The following IYD variants were observed in gnomAD, a reference collection of about 807,000 sequenced individuals.
IYD encodes iodotyrosine deiodinase.
A neutral mutation model predicts 28.4 loss-of-function variants in IYD; 25 were observed. That is an observed-to-expected ratio of 0.88 (90% CI 0.64 to 1.23). The LOEUF (loss-of-function observed/expected upper bound fraction) is 1.23. IYD is among the 50% of genes most tolerant of loss of function. The pLI is 0.00. For missense variants in IYD, 352 were observed against 357.9 expected (o/e 0.98, Z 0.13); for synonymous variants, 140 against 130.8 (o/e 1.07, Z -0.48).
At chr6:150,397,098 C>G (rs1056667530) in intron 4 of IYD, among the ~76,000 whole-genome samples, 1 of 151,956 alleles carries the variant, frequency 6.6e-6, no homozygotes, top group African/African-American at 2.4e-5. Flanking sequence ...AGACCTTCAG[C>G]AAGAAACTAT....
In IYD at chr6:150,404,746, T is replaced by C. The variant is rs1223440160; in HGVS notation, c.*6509T>C. 6.6e-6 allele frequency: 1 copy of C among 152,212 alleles called. No homozygotes were observed. Among genetic ancestry groups the C allele is most frequent in the East Asian group, 1.9e-4 (1 of 5,196 alleles). 9.4% of individuals were successfully genotyped at this position (152,212 alleles called of 1,614,324 possible). A position where few individuals can be genotyped will look rare whatever the true frequency, so the allele number is the denominator to read the frequency against. ...TTGTTTACTAGTTTTATAAATAGGA[T>C]AATAAAATGTGTGTATGAGGTCAGA... On this transcript the variant is annotated 3_prime_UTR_variant, in exon 5 of 5. Coordinates refer to ENST00000344419, the MANE Select transcript of IYD (RefSeq NM_203395.3).
At chr6:150,385,330 C>T (rs1777819956) in intron 1 of IYD, among the ~76,000 whole-genome samples, 1 of 152,008 alleles carries the variant, frequency 6.6e-6, no homozygotes, top group South Asian at 2.1e-4. Context: ...ACATCATTAC[C>T]ATAGCTGGAT....
chr6:150,387,301 C>T (rs569434934), intron 1 of IYD, among the ~76,000 whole-genome samples: 2 of 152,000 alleles, frequency 1.3e-5, no homozygotes, highest in African/African-American at 4.8e-5. Context: ...TGGTGCACAC[C>T]TGTACTCCCA....
rs1049519775 is a variant in IYD, at chr6:150,401,448, T to C, written c.*3211T>C. 1 of 152,088 alleles carries C rather than the reference T, an allele frequency of 6.6e-6. No individual in the cohort carries two copies. The highest frequency in any genetic ancestry group is 1.5e-5 in the Non-Finnish European group (1 of 68,038). The allele number at this position is 152,088 out of a possible 1,614,324, so 9.4% of individuals were successfully genotyped here. A position where few individuals can be genotyped will look rare whatever the true frequency, so the allele number is the denominator to read the frequency against. ...AAATCCATTTCAGCCTGCCGCCCCT[T>C]GGAATGGAGGGTCTTCTAGGGACCA... On this transcript the variant is annotated 3_prime_UTR_variant, in exon 5 of 5. Coordinates refer to ENST00000344419, the MANE Select transcript of IYD (RefSeq NM_203395.3).
At chr6:150,370,818 CTG>C (rs1320619258) in intron 1 of IYD, 8 of 242,444 alleles carry the variant, frequency 3.3e-5, no homozygotes, top group Non-Finnish European at 5.3e-5. Flanking sequence ...GAGTTGGAGA[CTG>C]GAAGCTATCA....
At chr6:150,369,658 A>C (rs939408453) in intron 1 of IYD, among the ~76,000 whole-genome samples, 3 of 152,222 alleles carry the variant, frequency 2.0e-5, no homozygotes, top group African/African-American at 7.2e-5. Context: ...TGTCCTCAAC[A>C]AACTGAATGT....
intron 1 of IYD, among the ~76,000 whole-genome samples, chr6:150,383,803 AAAAAAC>A (rs1562314983): frequency 1.5e-3 from 204 of 138,016 alleles, no homozygotes; most frequent in South Asian, 2.0e-3. Flanking sequence ...TAAAAAAAAA[AAAAAAC>A]AAAAACAAAA....
intron 1 of IYD, among the ~76,000 whole-genome samples, chr6:150,378,524 G>T (rs1245541873): frequency 6.6e-6 from 1 of 152,054 alleles, no homozygotes; most frequent in Non-Finnish European, 1.5e-5. Context: ...ATTTTTTATG[G>T]CTGCATGGTG....
At chr6:150,370,599 A>G in intron 1 of IYD, 1 of 985,422 alleles carries the variant, frequency 1.0e-6, no homozygotes, top group Non-Finnish European at 1.2e-6. Context: ...TCTTCCACTC[A>G]GAACGTCAAT....
intron 1 of IYD, chr6:150,384,601 TTTTA>T (rs1171415215): frequency 2.0e-5 from 3 of 152,308 alleles, no homozygotes; most frequent in Non-Finnish European, 4.4e-5. Flanking sequence ...CCCTCAATAA[TTTTA>T]ACTGTTTGAA....
intron 4 of IYD, chr6:150,395,312 A>G (rs1778270410): frequency 4.4e-6 from 4 of 911,386 alleles, no homozygotes; most frequent in Non-Finnish European, 6.5e-6. Flanking sequence ...TAAAAAAAAA[A>G]GAGAGCTTCT....
intron 1 of IYD, among the ~76,000 whole-genome samples, chr6:150,369,666 T>A (rs1056527599): frequency 2.6e-5 from 4 of 152,164 alleles, no homozygotes; most frequent in Non-Finnish European, 4.4e-5. Flanking sequence ...ACAAACTGAA[T>A]GTCCAGTTCA....
In IYD at chr6:150,388,627, TTTGCTTTCTTTC is replaced by T. The variant is rs1204031120; in HGVS notation, c.179-722_179-711del. On this transcript the variant is annotated intron_variant, in intron 1 of 4. Coordinates refer to ENST00000344419, the MANE Select transcript of IYD (RefSeq NM_203395.3). ...TTTTCTAGATTTATAGTCTGGAGTT[TTTGCTTTCTTTC>T]TTTCTTTCTTTCTTTCTTTCTTTCT... Among the ~76,000 whole-genome samples the T allele has an allele frequency of 2.8e-3, 358 of 129,052 alleles. 1 individual carries two copies. The highest frequency in any genetic ancestry group is 5.9e-3 in the Admixed American group (71 of 12,124). The allele number at this position is 129,052 out of a possible 152,430, so 84.7% of individuals were successfully genotyped here.
intron 1 of IYD, among the ~76,000 whole-genome samples, chr6:150,370,319 ACGAGTGGG>A (rs1204249664): frequency 1.1e-4 from 16 of 149,210 alleles, no homozygotes; most frequent in Admixed American, 4.7e-4. Context: ...GTGTGTGTGC[ACGAGTGGG>A]TGAGTGTGCG....
intron 1 of IYD, among the ~76,000 whole-genome samples, chr6:150,375,668 C>A (rs529377908): frequency 1.3e-5 from 2 of 152,138 alleles, no homozygotes; most frequent in East Asian, 3.9e-4. Context: ...TTCTTGTTAG[C>A]CCTATGAGGA....
intron 4 of IYD, 145 bp from the exon 5 acceptor site, chr6:150,397,910 T>C: frequency 1.3e-6 from 1 of 789,120 alleles, no homozygotes. Context: ...ATGCCATTAC[T>C]TGAGCTGGCA....
intron 2 of IYD, 120 bp downstream of exon 2, chr6:150,389,663 A>G: frequency 5.4e-6 from 5 of 930,148 alleles, no homozygotes; most frequent in Non-Finnish European, 7.0e-6. Context: ...ATGTTTATCT[A>G]TAAAGTCTTA....
intron 1 of IYD, among the ~76,000 whole-genome samples, chr6:150,376,410 G>T (rs1454750139): frequency 6.6e-6 from 1 of 152,150 alleles, no homozygotes; most frequent in Non-Finnish European, 1.5e-5. Flanking sequence ...GTGGGAGTGT[G>T]TAGGAGTAAA....
intron 4 of IYD, chr6:150,395,588 T>G: frequency 6.5e-7 from 1 of 1,530,446 alleles, no homozygotes; most frequent in Non-Finnish European, 8.8e-7. Context: ...GCAGGCAGTC[T>G]TTTTCACTTT....
Sources: gnomAD v4.1 joint callset for allele counts (sites outside exome capture counted in the v4.1 genomes callset) on GRCh38, gnomAD v4.1.1 for gene constraint, MANE v1.5 for transcripts, NCBI Gene and HGNC (gene_info 2026-07-23, HGNC 2026-07-21) for gene names.